The following MTREX variants were observed in gnomAD, a reference collection of about 807,000 sequenced individuals.
MTREX encodes the protein exosome RNA helicase MTR4.
MTREX carries 76 observed loss-of-function variants against 135.4 expected under a neutral mutation model. The observed-to-expected ratio is 0.56, with a 90% confidence interval of 0.47 to 0.68. The LOEUF (loss-of-function observed/expected upper bound fraction) is 0.68. Ranked by LOEUF, MTREX falls within the 30% of genes least tolerant of loss-of-function variation. The probability of loss-of-function intolerance (pLI) is 0.00; values close to 1 mark genes in which losing one functional copy is unlikely to be tolerated. For missense variants in MTREX, 920 were observed against 1,262.1 expected (o/e 0.73, Z 4.11); for synonymous variants, 404 against 401.6 (o/e 1.01, Z -0.07).
chr5:55,314,501 T>C (rs1749166813), intron 1 of MTREX, among the ~76,000 whole-genome samples: 1 of 152,154 alleles, frequency 6.6e-6, no homozygotes, highest in African/African-American at 2.4e-5. Flanking sequence ...TTAGAAGGGC[T>C]CTGGCTGACT....
At chr5:55,353,403 G>A in intron 14 of MTREX, 134 bp downstream of exon 14, 1 of 537,660 alleles carries the variant, frequency 1.9e-6, no homozygotes. Flanking sequence ...GTTTCATCAA[G>A]GTTAAACCTT....
chr5:55,353,129 A>G lies in MTREX; in HGVS notation c.1432-39A>G, dbSNP rs762980632. 161 of 1,385,268 alleles carry G rather than the reference A, an allele frequency of 1.2e-4. 3 individuals are homozygous for G. In the South Asian group the frequency reaches 1.8e-3, roughly 16 times the overall value. The allele number at this position is 1,385,268 out of a possible 1,614,324, so 85.8% of individuals were successfully genotyped here. The stretch of plus-strand genomic sequence containing the variant: ...AATTATAAAACCAGATTTTCAGCTT[A>G]AAATACATGTTTAATTATAGAATTA... On this transcript the variant is annotated intron_variant, in intron 13 of 26. Transcript: ENST00000230640.
chr5:55,308,052 C>T lies in MTREX; in HGVS notation c.39C>T (p.Phe13=), dbSNP rs190287044. The T allele has an allele frequency of 6.8e-6, 11 of 1,613,912 alleles. No homozygotes were observed. In the African/African-American group the frequency reaches 9.3e-5, roughly 14 times the overall value. The change falls in exon 1 of 27, where the codon TTC becomes TTT. Residue 13 remains phenylalanine, a synonymous_variant. Transcript: ENST00000230640. Reference sequence around the variant, plus strand: ...TCGGAGATGAGCTGTTCAGCGTGTTCGAGGGCGACTCGACCACTGCGGCGG... The same window carrying T: ...TCGGAGATGAGCTGTTCAGCGTGTTTGAGGGCGACTCGACCACTGCGGCGG... ...DAFGDELFSV[F]EGDSTTAAGT...
intron 5 of MTREX, among the ~76,000 whole-genome samples, chr5:55,336,202 T>C (rs1749549946): frequency 6.6e-6 from 1 of 152,196 alleles, no homozygotes; most frequent in African/African-American, 2.4e-5. Context: ...AAGATGGTTT[T>C]ACTTCCTTTT....
chr5:55,315,302 T>C (rs1434875705), intron 1 of MTREX, among the ~76,000 whole-genome samples: 1 of 152,226 alleles, frequency 6.6e-6, no homozygotes, highest in Admixed American at 6.5e-5. Context: ...ATTGCAAATA[T>C]TTTCCCCAAT....
intron 10 of MTREX, among the ~76,000 whole-genome samples, chr5:55,345,855 A>G (rs1295036186): frequency 2.0e-5 from 3 of 151,570 alleles, no homozygotes; most frequent in Admixed American, 6.6e-5. Context: ...TTTAGTAGAG[A>G]CGGGGTTTCA....
At chr5:55,328,840 T>G (rs746869672) in intron 5 of MTREX, 29 bp downstream of exon 5, 4 of 1,402,796 alleles carry the variant, frequency 2.9e-6, no homozygotes, top group Admixed American at 1.8e-5. Context: ...AAAGTCACTT[T>G]GTTTCTTATT....
At chr5:55,380,347 A>G (rs993058713) in intron 18 of MTREX, among the ~76,000 whole-genome samples, 9 of 152,296 alleles carry the variant, frequency 5.9e-5, no homozygotes, top group African/African-American at 2.2e-4. Context: ...ATGTGCAACC[A>G]TCACCACAGT....
intron 15 of MTREX, among the ~76,000 whole-genome samples, chr5:55,359,136 C>A (rs1749968402): frequency 6.6e-6 from 1 of 152,210 alleles, no homozygotes; most frequent in East Asian, 1.9e-4. Flanking sequence ...TGCGTTTACA[C>A]TTTACCCTAT....
intron 5 of MTREX, among the ~76,000 whole-genome samples, chr5:55,332,433 T>C (rs62360492): frequency 0.14 from 20,673 of 152,214 alleles, 1,728 homozygotes; most frequent in East Asian, 0.26. Context: ...CCAGTCATCC[T>C]GTTCATCAGC....
chr5:55,391,015 G>A (rs746028851), intron 19 of MTREX, among the ~76,000 whole-genome samples: 4 of 152,006 alleles, frequency 2.6e-5, no homozygotes, highest in Non-Finnish European at 4.4e-5. Context: ...ATTTTTCTCT[G>A]TGTATAGGTC....
intron 18 of MTREX, among the ~76,000 whole-genome samples, chr5:55,381,518 A>G (rs1750396003): frequency 6.6e-6 from 1 of 152,102 alleles, no homozygotes; most frequent in Non-Finnish European, 1.5e-5. Flanking sequence ...TCTTTAACCC[A>G]TTGGTTATTT....
chr5:55,328,999 G>T (rs770971089), intron 5 of MTREX, among the ~76,000 whole-genome samples, 188 bp downstream of exon 5: 1 of 151,950 alleles, frequency 6.6e-6, no homozygotes, highest in African/African-American at 2.4e-5. Flanking sequence ...TTCTTTTCTT[G>T]TTCCTCATAT....
intron 1 of MTREX, among the ~76,000 whole-genome samples, chr5:55,319,020 T>G (rs937639646): frequency 1.3e-5 from 2 of 152,186 alleles, no homozygotes; most frequent in Non-Finnish European, 2.9e-5. Context: ...CACGTTTACT[T>G]TATCCTCCCT....
intron 15 of MTREX, among the ~76,000 whole-genome samples, chr5:55,363,256 C>A (rs1031490880): frequency 2.6e-5 from 4 of 152,172 alleles, no homozygotes; most frequent in African/African-American, 7.2e-5. Flanking sequence ...TCCTCATCTT[C>A]CACGTTTATG....
At chr5:55,351,161 T>A in intron 13 of MTREX, 132 bp downstream of exon 13, 1 of 1,059,922 alleles carries the variant, frequency 9.4e-7, no homozygotes, top group Non-Finnish European at 1.2e-6. Context: ...ATAATGAACT[T>A]AATTTTTATA....
chr5:55,339,608 C>T (rs1215161762), intron 5 of MTREX, among the ~76,000 whole-genome samples: 1 of 152,148 alleles, frequency 6.6e-6, no homozygotes, highest in Non-Finnish European at 1.5e-5. Context: ...TATAGATTAA[C>T]TTATTTGTGA....
intron 25 of MTREX, among the ~76,000 whole-genome samples, chr5:55,416,515 A>G (rs1579904364): frequency 6.6e-6 from 1 of 152,126 alleles, no homozygotes; most frequent in East Asian, 1.9e-4. Flanking sequence ...CAGTCATTGC[A>G]TATGTAATTG....
At chr5:55,346,374 A>G (rs1376840773) in intron 10 of MTREX, among the ~76,000 whole-genome samples, 1 of 152,202 alleles carries the variant, frequency 6.6e-6, no homozygotes, top group East Asian at 1.9e-4. Flanking sequence ...CTGTAATTAC[A>G]GCATCCCTGG....
Sources: gnomAD v4.1 joint callset for allele counts (sites outside exome capture counted in the v4.1 genomes callset) on GRCh38, gnomAD v4.1.1 for gene constraint, MANE v1.5 for transcripts, NCBI Gene and HGNC (gene_info 2026-07-23, HGNC 2026-07-21) for gene names.